HS3ST4: variants seen among roughly 807,000 people sequenced by gnomAD.
HS3ST4 encodes heparan sulfate glucosamine 3-O-sulfotransferase 4.
A neutral mutation model predicts 29.2 loss-of-function variants in HS3ST4; 17 were observed. That is an observed-to-expected ratio of 0.58 (90% CI 0.40 to 0.87). HS3ST4 has a LOEUF of 0.87. Ranked by LOEUF, HS3ST4 falls within the 40% of genes least tolerant of loss-of-function variation. HS3ST4 has a pLI of 0.00. For synonymous variants in HS3ST4, 314 were observed against 285.7 expected (o/e 1.10, Z -1.00); for missense variants, 627 against 634.5 (o/e 0.99, Z 0.13).
At chr16:25,906,615 G>T (rs1968183187) in intron 1 of HS3ST4, among the ~76,000 whole-genome samples, 1 of 152,094 alleles carries the variant, frequency 6.6e-6, no homozygotes, top group African/African-American at 2.4e-5. Flanking sequence ...GAAATAGAGA[G>T]ATTTCTTGTG....
chr16:25,965,425 A>C (rs981600678), intron 1 of HS3ST4, among the ~76,000 whole-genome samples: 3 of 152,162 alleles, frequency 2.0e-5, no homozygotes. Flanking sequence ...AGTTCCTATA[A>C]ATGGGAAAAA....
chr16:25,759,440 A>C (rs1966776161), intron 1 of HS3ST4, among the ~76,000 whole-genome samples: 1 of 152,226 alleles, frequency 6.6e-6, no homozygotes, highest in Non-Finnish European at 1.5e-5. Context: ...CTAGTGGTGC[A>C]AACTTGAAAT....
chr16:25,781,045 C>T (rs1424037699), intron 1 of HS3ST4, among the ~76,000 whole-genome samples: 1 of 152,148 alleles, frequency 6.6e-6, no homozygotes, highest in Non-Finnish European at 1.5e-5. Flanking sequence ...ATTACCAAGA[C>T]TTTGGACTTG....
intron 1 of HS3ST4, among the ~76,000 whole-genome samples, chr16:26,098,384 C>T (rs1898953162): frequency 6.6e-6 from 1 of 152,130 alleles, no homozygotes; most frequent in Non-Finnish European, 1.5e-5. Flanking sequence ...CACATATGCA[C>T]CATGGAATAC....
intron 1 of HS3ST4, among the ~76,000 whole-genome samples, chr16:26,069,891 A>G (rs1318513291): frequency 6.6e-6 from 1 of 151,856 alleles, no homozygotes; most frequent in Admixed American, 6.6e-5. Flanking sequence ...TGAACTCATC[A>G]TTTTTTATGG....
intron 1 of HS3ST4, among the ~76,000 whole-genome samples, chr16:25,991,038 C>T (rs1425601458): frequency 6.6e-6 from 1 of 151,830 alleles, no homozygotes; most frequent in Non-Finnish European, 1.5e-5. Context: ...AAACCCAGAG[C>T]GTCACCGGCC....
intron 1 of HS3ST4, among the ~76,000 whole-genome samples, chr16:25,789,636 T>TC (rs1443778645): frequency 6.6e-6 from 1 of 151,970 alleles, no homozygotes; most frequent in Non-Finnish European, 1.5e-5. Flanking sequence ...TGTGCCTAAA[T>TC]CCTAAGTGTA....
chr16:25,796,451 C>T (rs973549481), intron 1 of HS3ST4, among the ~76,000 whole-genome samples: 4 of 152,076 alleles, frequency 2.6e-5, no homozygotes, highest in South Asian at 4.1e-4. Context: ...TAGAAGAAAC[C>T]GCATGCTCAG....
At chr16:25,795,088 C>T (rs75922614) in intron 1 of HS3ST4, among the ~76,000 whole-genome samples, 2 of 151,794 alleles carry the variant, frequency 1.3e-5, no homozygotes, top group African/African-American at 4.8e-5. Context: ...TCTTCTGCCT[C>T]AGCCTTCCGA....
At chr16:26,084,021 G>A (rs774572065) in intron 1 of HS3ST4, among the ~76,000 whole-genome samples, 26 of 152,218 alleles carry the variant, frequency 1.7e-4, no homozygotes, top group Non-Finnish European at 3.2e-4. Context: ...CTGAGGAACA[G>A]AAAGAGGGCA....
At chr16:26,107,934 G>A (rs987417281) in intron 1 of HS3ST4, among the ~76,000 whole-genome samples, 4 of 152,112 alleles carry the variant, frequency 2.6e-5, no homozygotes, top group Non-Finnish European at 4.4e-5. Context: ...GGAGCGAATG[G>A]TAGATCTGCT....
At chr16:25,962,153 A>G (rs1043748415) in intron 1 of HS3ST4, among the ~76,000 whole-genome samples, 1 of 152,170 alleles carries the variant, frequency 6.6e-6, no homozygotes, top group Non-Finnish European at 1.5e-5. Flanking sequence ...CAGCTCTTGT[A>G]TACACCCAGG....
chr16:25,770,877 C>T (rs1464542100), intron 1 of HS3ST4, among the ~76,000 whole-genome samples: 8 of 152,190 alleles, frequency 5.3e-5, no homozygotes, highest in African/African-American at 1.4e-4. Flanking sequence ...GTGCTTATGA[C>T]GTGTTGGGAA....
chr16:25,876,736 C>G (rs1398130215), intron 1 of HS3ST4, among the ~76,000 whole-genome samples: 1 of 151,990 alleles, frequency 6.6e-6, no homozygotes, highest in Non-Finnish European at 1.5e-5. Flanking sequence ...GAAGGATGAA[C>G]CCTGGGCTGG....
intron 1 of HS3ST4, among the ~76,000 whole-genome samples, chr16:25,801,687 C>T (rs1026153123): frequency 3.9e-5 from 6 of 152,098 alleles, no homozygotes; most frequent in African/African-American, 7.2e-5. Context: ...AATGCTTACT[C>T]GCCCTTAACG....
intron 1 of HS3ST4, among the ~76,000 whole-genome samples, chr16:25,945,794 T>TAAC (rs937475385): frequency 5.3e-5 from 8 of 152,324 alleles, no homozygotes; most frequent in African/African-American, 1.7e-4. Flanking sequence ...TGCCCATGTG[T>TAAC]AACAACCCAC....
At chr16:25,942,108 G>C (rs1396397166) in intron 1 of HS3ST4, among the ~76,000 whole-genome samples, 2 of 152,128 alleles carry the variant, frequency 1.3e-5, no homozygotes, top group Non-Finnish European at 2.9e-5. Flanking sequence ...GCATCACTTG[G>C]TCCTGGGTCT....
intron 1 of HS3ST4, among the ~76,000 whole-genome samples, chr16:25,972,085 G>C (rs1293863081): frequency 6.6e-6 from 1 of 152,228 alleles, no homozygotes; most frequent in African/African-American, 2.4e-5. Context: ...GGTGGTAAGA[G>C]TGGTTGTATT....
chr16:25,935,894 A>T (rs1330562134), intron 1 of HS3ST4, among the ~76,000 whole-genome samples: 1 of 151,282 alleles, frequency 6.6e-6, no homozygotes, highest in East Asian at 1.9e-4. Context: ...GACTCAAAAA[A>T]GTATACTGAG....
Sources: gnomAD v4.1 joint callset for allele counts (sites outside exome capture counted in the v4.1 genomes callset) on GRCh38, gnomAD v4.1.1 for gene constraint, MANE v1.5 for transcripts, NCBI Gene and HGNC (gene_info 2026-07-23, HGNC 2026-07-21) for gene names.